LOC400499: variants seen among roughly 807,000 people sequenced by gnomAD.
At chr16:11,399,946 C>G in the LOC400499 span, 2 of 397,546 alleles carry the variant, frequency 5.0e-6, no homozygotes, top group Non-Finnish European at 8.8e-6. Context: ...TGGTGCCCCT[C>G]CCCCAGATAT....
chr16:11,456,831 C>T, the LOC400499 span: 1 of 1,536,052 alleles, frequency 6.5e-7, no homozygotes, highest in Non-Finnish European at 8.7e-7. Context: ...GAGCTGCTAG[C>T]CAAGGAGGCC....
the LOC400499 span, among the ~76,000 whole-genome samples, chr16:11,470,381 G>A: frequency 1.2e-4 from 19 of 152,290 alleles, no homozygotes; most frequent in African/African-American, 4.6e-4. Flanking sequence ...GTGCTCTGGG[G>A]CTCCCTGTGA....
chr16:11,490,823 C>A, the LOC400499 span, among the ~76,000 whole-genome samples: 2 of 152,208 alleles, frequency 1.3e-5, no homozygotes. Context: ...TGATGTAATA[C>A]ACAGGAGAAC....
At chr16:11,448,743 A>G in the LOC400499 span, among the ~76,000 whole-genome samples, 1 of 152,110 alleles carries the variant, frequency 6.6e-6, no homozygotes, top group East Asian at 1.9e-4. Flanking sequence ...TAAGAAAAGA[A>G]GGAAAAGGAA....
chr16:11,441,500 A>G, the LOC400499 span, among the ~76,000 whole-genome samples: 4 of 152,236 alleles, frequency 2.6e-5, no homozygotes, highest in Admixed American at 2.0e-4. Flanking sequence ...AGTAACTCAT[A>G]GTGGAGCTGG....
At chr16:11,442,008 C>T in the LOC400499 span, among the ~76,000 whole-genome samples, 1 of 152,272 alleles carries the variant, frequency 6.6e-6, no homozygotes, top group South Asian at 2.1e-4. Context: ...AATCATTTAG[C>T]TTCTGCCACA....
the LOC400499 span, among the ~76,000 whole-genome samples, chr16:11,432,806 ATAC>A: frequency 5.0e-4 from 76 of 152,202 alleles, no homozygotes; most frequent in Non-Finnish European, 5.7e-4. Context: ...GCCACTGCAA[ATAC>A]TACTACTTGT....
the LOC400499 span, chr16:11,488,674 C>T: frequency 1.3e-5 from 5 of 398,592 alleles, no homozygotes; most frequent in African/African-American, 8.2e-5. Context: ...TTTGTGGTTC[C>T]AGAGCAGGAC....
chr16:11,414,418 C>T, the LOC400499 span: 1 of 399,788 alleles, frequency 2.5e-6, no homozygotes, highest in East Asian at 3.6e-5. Context: ...CTGCAGTGGG[C>T]CACGTCGTGG....
the LOC400499 span, among the ~76,000 whole-genome samples, chr16:11,415,063 G>C: frequency 6.6e-6 from 1 of 152,128 alleles, no homozygotes; most frequent in Admixed American, 6.6e-5. Context: ...GAGGATTATG[G>C]GAGGGGTAGC....
At chr16:11,446,951 A>G in the LOC400499 span, 4 of 1,510,978 alleles carry the variant, frequency 2.6e-6, no homozygotes, top group South Asian at 3.7e-5. Context: ...CCATTAAAGC[A>G]GCTGGCAGTG....
chr16:11,466,174 T>C, the LOC400499 span, among the ~76,000 whole-genome samples: 1 of 152,236 alleles, frequency 6.6e-6, no homozygotes, highest in South Asian at 2.1e-4. Flanking sequence ...ACTGTGTGCA[T>C]AGATCATCTC....
chr16:11,515,876 GCCCA>G, the LOC400499 span: 1 of 16,898 alleles, frequency 5.9e-5, no homozygotes, highest in South Asian at 1.1e-3. Flanking sequence ...GCCCAGCCCA[GCCCA>G]GCCCAGCCCA....
the LOC400499 span, chr16:11,488,726 T>C: frequency 2.5e-6 from 1 of 398,898 alleles, no homozygotes; most frequent in Non-Finnish European, 4.4e-6. Context: ...GAAGGTGACA[T>C]CAGAATAGGA....
the LOC400499 span, among the ~76,000 whole-genome samples, chr16:11,496,186 C>A: frequency 6.6e-5 from 10 of 151,930 alleles, no homozygotes; most frequent in Non-Finnish European, 1.3e-4. Context: ...CCTGCCTCAT[C>A]TTCCTGAGTA....
chr16:11,427,669 C>G, the LOC400499 span, among the ~76,000 whole-genome samples: 3 of 151,956 alleles, frequency 2.0e-5, no homozygotes, highest in African/African-American at 7.3e-5. Context: ...TGGTCTGAAA[C>G]TCCCAGGCTC....
At chr16:11,463,552 G>A in the LOC400499 span, among the ~76,000 whole-genome samples, 16 of 152,156 alleles carry the variant, frequency 1.1e-4, no homozygotes, top group Non-Finnish European at 8.8e-5. Flanking sequence ...ATGTATGGAC[G>A]TGTGTGTGAA....
the LOC400499 span, chr16:11,471,413 G>T: frequency 5.4e-6 from 2 of 368,464 alleles, no homozygotes; most frequent in Non-Finnish European, 9.6e-6. Context: ...GGTAACCAAG[G>T]CAGGCTTCCC....
the LOC400499 span, among the ~76,000 whole-genome samples, chr16:11,407,554 C>A: frequency 1.3e-5 from 2 of 152,230 alleles, no homozygotes; most frequent in Admixed American, 6.5e-5. Flanking sequence ...TGGCAACTAT[C>A]TCCTTCATGC....
Sources: allele counts gnomAD v4.1 joint callset (sites outside exome capture counted in the v4.1 genomes callset), GRCh38; gene constraint gnomAD v4.1.1; transcripts MANE v1.5.